The following MDFIC variants were observed in gnomAD, a reference collection of about 807,000 sequenced individuals.
MDFIC encodes myoD family inhibitor domain-containing protein.
In MDFIC, 17 loss-of-function variants were observed where a neutral mutation model predicts 23.2. The observed-to-expected ratio is 0.73, with a 90% confidence interval of 0.50 to 1.10. The LOEUF is 1.10. MDFIC is among the 50% of genes least tolerant of loss of function. The pLI is 0.00. For synonymous variants in MDFIC, 120 were observed against 115.2 expected (o/e 1.04, Z -0.27); for missense variants, 356 against 316.6 (o/e 1.12, Z -0.95).
At chr7:114,993,449 G>T (rs1199193765) in intron 4 of MDFIC, among the ~76,000 whole-genome samples, 3 of 152,160 alleles carry the variant, frequency 2.0e-5, no homozygotes, top group East Asian at 3.9e-4. Context: ...ATGTTAGGGT[G>T]TCAATTTAAA....
At chr7:114,971,511 A>G (rs950009266) in intron 3 of MDFIC, among the ~76,000 whole-genome samples, 1 of 152,174 alleles carries the variant, frequency 6.6e-6, no homozygotes, top group Non-Finnish European at 1.5e-5. Context: ...TAAGTTTGTC[A>G]ATATATTCAT....
At chr7:114,957,572 A>G (rs1253962787) in intron 3 of MDFIC, among the ~76,000 whole-genome samples, 1 of 152,184 alleles carries the variant, frequency 6.6e-6, no homozygotes, top group Non-Finnish European at 1.5e-5. Context: ...GTATCTAGGC[A>G]TTTGGGACAA....
intron 4 of MDFIC, among the ~76,000 whole-genome samples, chr7:115,006,584 G>A (rs566118608): frequency 5.9e-5 from 9 of 152,216 alleles, no homozygotes; most frequent in African/African-American, 1.2e-4. Flanking sequence ...GAAAAGAGAT[G>A]AAGCTGAAAT....
At chr7:114,990,880 G>C (rs2116022236) in intron 4 of MDFIC, among the ~76,000 whole-genome samples, 2 of 152,014 alleles carry the variant, frequency 1.3e-5, no homozygotes, top group South Asian at 4.2e-4. Flanking sequence ...GGGATGGCTG[G>C]GTCAAATGGT....
chr7:114,950,875 C>T (rs1207451167), intron 3 of MDFIC, among the ~76,000 whole-genome samples: 1 of 152,046 alleles, frequency 6.6e-6, no homozygotes, highest in Non-Finnish European at 1.5e-5. Flanking sequence ...CTCATTGAAA[C>T]TTAAAGGGTC....
chr7:114,966,084 A>C (rs1051332497), intron 3 of MDFIC, among the ~76,000 whole-genome samples: 2 of 152,216 alleles, frequency 1.3e-5, no homozygotes, highest in African/African-American at 4.8e-5. Flanking sequence ...CATGTTTGCC[A>C]GATATCATTG....
At chr7:114,979,836 T>C (rs772365297) in intron 4 of MDFIC, 55 bp downstream of exon 4, 13 of 1,554,718 alleles carry the variant, frequency 8.4e-6, no homozygotes, top group African/African-American at 1.4e-5. Flanking sequence ...TAATATTTCC[T>C]GGTAATTATT....
At chr7:114,934,652 T>A (rs1337641296) in intron 2 of MDFIC, among the ~76,000 whole-genome samples, 2 of 152,206 alleles carry the variant, frequency 1.3e-5, no homozygotes, top group East Asian at 3.8e-4. Context: ...CTCAGAAGTC[T>A]TATTATTTTT....
intron 2 of MDFIC, among the ~76,000 whole-genome samples, chr7:114,932,678 A>G (rs941710164): frequency 2.0e-5 from 3 of 152,196 alleles, no homozygotes; most frequent in African/African-American, 7.2e-5. Flanking sequence ...GAGCCAAAAG[A>G]ATATAGGTTG....
intron 3 of MDFIC, among the ~76,000 whole-genome samples, chr7:114,965,714 T>C (rs1036882093): frequency 6.6e-6 from 1 of 152,212 alleles, no homozygotes; most frequent in Admixed American, 6.5e-5. Context: ...CTGACATCTA[T>C]TAACTAGCAC....
At chr7:114,953,472 AGTTACCAATCTG>A (rs1792820491) in intron 3 of MDFIC, among the ~76,000 whole-genome samples, 1 of 152,228 alleles carries the variant, frequency 6.6e-6, no homozygotes, top group South Asian at 2.1e-4. Context: ...ATTTGAAGCT[AGTTACCAATCTG>A]GTCCTGGATA....
rs146477825 is a variant in MDFIC at position 114,984,475 on chromosome 7, A to C, written c.493+4694A>C. Reference sequence around the variant, plus strand: ...AAAATGTGTGCTCATATTCACCAAAAAAAATGTTCTTTTAAAAAGTTCCAT... The same window carrying C: ...AAAATGTGTGCTCATATTCACCAAACAAAATGTTCTTTTAAAAAGTTCCAT... On this transcript the variant is annotated intron_variant, in intron 4 of 4. Coordinates refer to ENST00000393486, the MANE Select transcript of MDFIC (RefSeq NM_001166345.3). 4.7e-3 allele frequency among the ~76,000 whole-genome samples: 722 copies of C among 152,344 alleles called. 4 individuals carry two copies. The highest frequency in any genetic ancestry group is 0.016 in the African/African-American group (654 of 41,570).
chr7:114,971,045 A>C (rs1793194872), intron 3 of MDFIC, among the ~76,000 whole-genome samples: 1 of 152,206 alleles, frequency 6.6e-6, no homozygotes, highest in Non-Finnish European at 1.5e-5. Flanking sequence ...TGTAGGTAAA[A>C]AAACAGCTTT....
intron 3 of MDFIC, among the ~76,000 whole-genome samples, chr7:114,961,314 CT>C (rs754991676): frequency 1.5e-4 from 23 of 152,118 alleles, no homozygotes; most frequent in Non-Finnish European, 2.9e-4. Context: ...TTCCCTAGTT[CT>C]TTAACTCAAA....
At chr7:114,938,103 T>G (rs1792463939) in intron 2 of MDFIC, among the ~76,000 whole-genome samples, 1 of 152,128 alleles carries the variant, frequency 6.6e-6, no homozygotes, top group Non-Finnish European at 1.5e-5. Flanking sequence ...ATTGCAGGAA[T>G]GTGCCACCAT....
chr7:114,935,578 T>C (rs1331140528), intron 2 of MDFIC, among the ~76,000 whole-genome samples: 1 of 151,754 alleles, frequency 6.6e-6, no homozygotes, highest in African/African-American at 2.4e-5. Flanking sequence ...CCTGGTTCAG[T>C]AGAATATTTG....
At chr7:114,990,048 T>C (rs1283364282) in intron 4 of MDFIC, among the ~76,000 whole-genome samples, 1 of 152,098 alleles carries the variant, frequency 6.6e-6, no homozygotes, top group Non-Finnish European at 1.5e-5. Context: ...GAAGAAAATA[T>C]AAGTAAAGAA....
rs763460471 is a variant in MDFIC at position 114,964,700 on chromosome 7, G to A, written c.218-14806G>A. Among the ~76,000 whole-genome samples the A allele has an allele frequency of 5.9e-4, 90 of 152,066 alleles. 2 individuals carry two copies. Among genetic ancestry groups the A allele is most frequent in the Admixed American group, 2.6e-4 (4 of 15,266 alleles). ...TGAGTAGTTGGGATTACAGGCACCC[G>A]CCACCACACCCAGCTAGTTTTTGTA... On this transcript the variant is annotated intron_variant, in intron 3 of 4. Coordinates refer to ENST00000393486, the MANE Select transcript of MDFIC (RefSeq NM_001166345.3).
intron 4 of MDFIC, among the ~76,000 whole-genome samples, chr7:115,007,511 A>T (rs1791592391): frequency 6.6e-6 from 1 of 151,070 alleles, no homozygotes. Flanking sequence ...CTGGGTAAAA[A>T]ATTTTAAATA....
Sources: allele counts gnomAD v4.1 joint callset (sites outside exome capture counted in the v4.1 genomes callset), GRCh38; gene constraint gnomAD v4.1.1; transcripts MANE v1.5; gene names NCBI Gene and HGNC (gene_info 2026-07-23, HGNC 2026-07-21).